The following ZC3H13 variants were observed in gnomAD, a reference collection of about 807,000 sequenced individuals.
ZC3H13 encodes the protein zinc finger CCCH domain-containing protein 13.
A neutral mutation model predicts 204.1 loss-of-function variants in ZC3H13; 64 were observed. That is an observed-to-expected ratio of 0.31 (90% CI 0.26 to 0.39). The LOEUF (loss-of-function observed/expected upper bound fraction) is 0.39. Among genes scored for constraint, ZC3H13 ranks in the 10% least tolerant of loss-of-function variants. ZC3H13 has a pLI of 1.00. For missense variants in ZC3H13, 1,833 were observed against 2,082.7 expected (o/e 0.88, Z 2.33); for synonymous variants, 667 against 693.7 (o/e 0.96, Z 0.60).
intron 7 of ZC3H13, among the ~76,000 whole-genome samples, chr13:46,004,556 T>A (rs529671487): frequency 5.6e-4 from 85 of 152,138 alleles, no homozygotes; most frequent in African/African-American, 1.1e-3. Context: ...AAATTTTTTT[T>A]AAAAAAGCAG....
chr13:45,969,285 C>T lies in ZC3H13; in HGVS notation c.3259G>A (p.Ala1087Thr), dbSNP rs767948149. The change falls in exon 14 of 19, where the codon GCC becomes ACC. Residue 1087 changes from alanine (A) to threonine (T), a missense_variant. Ala to Thr is a moderately conservative substitution (Grantham distance 58). Transcript: ENST00000679008. The part of the protein sequence containing the change: ...EVTEAEHTAT[A>T]TTPGSTPSPL... ...GAAGGGGTACTACCAGGAGTCGTGG[C>T]GGTGGCAGTATGCTCTGCTTCTGTC... The T allele has an allele frequency of 5.0e-6, 8 of 1,613,650 alleles. No individual in the cohort carries two copies. The highest frequency in any genetic ancestry group is 2.7e-5 in the African/African-American group (2 of 74,884).
chr13:45,984,562 T>C (rs79763614), intron 10 of ZC3H13, among the ~76,000 whole-genome samples: 2,185 of 152,062 alleles, frequency 0.014, 46 homozygotes, highest in African/African-American at 0.049. Flanking sequence ...TATGAAAAAG[T>C]AAAAGGTCAA....
intron 17 of ZC3H13, chr13:45,963,404 A>G: frequency 1.0e-6 from 1 of 991,780 alleles, no homozygotes. Context: ...GCACTTTGAT[A>G]TTAGAACTTA....
At chr13:45,990,685 T>C (rs1479743433) in intron 8 of ZC3H13, among the ~76,000 whole-genome samples, 5 of 152,214 alleles carry the variant, frequency 3.3e-5, no homozygotes, top group African/African-American at 1.2e-4. Context: ...TGGAAAACCA[T>C]TTATGATCAA....
chr13:46,049,836 A>T (rs1462503357), intron 1 of ZC3H13, among the ~76,000 whole-genome samples: 1 of 152,208 alleles, frequency 6.6e-6, no homozygotes, highest in Non-Finnish European at 1.5e-5. Flanking sequence ...ATAAAAATGT[A>T]AATACTAAAG....
At chr13:45,959,926 T>A (rs1484387239) in intron 17 of ZC3H13, among the ~76,000 whole-genome samples, 11 of 142,942 alleles carry the variant, frequency 7.7e-5, no homozygotes, top group African/African-American at 1.4e-4. Flanking sequence ...GCCCAGGGAA[T>A]TTTTTTTTTA....
intron 4 of ZC3H13, among the ~76,000 whole-genome samples, chr13:46,040,465 A>G (rs959779196): frequency 1.4e-4 from 21 of 152,166 alleles, no homozygotes; most frequent in African/African-American, 5.1e-4. Flanking sequence ...AGGCTTAAAT[A>G]TAAGAGCTAA....
Position 45,985,611 on chromosome 13 carries a change from TC to T in ZC3H13, c.1405del (p.Glu469AsnfsTer2). The T allele has an allele frequency of 6.2e-7, 1 of 1,613,984 alleles. No homozygotes were observed. The highest frequency in any genetic ancestry group is 1.1e-5 in the South Asian group (1 of 91,034). ...CCGCATGTCTCTGGAGTCTCTTAGT[TC>T]CCTTCGGTCCCTAGTATCTCTGGCA... ...RDARDTRDRR[E>X]LRDSRDMRDS... On this transcript the variant is annotated frameshift_variant, in exon 10 of 19. Coordinates refer to ENST00000679008, the MANE Select transcript of ZC3H13 (RefSeq NM_001330564.2). LOFTEE classifies it high-confidence loss of function.
Position 46,052,421 on chromosome 13 carries a change from T to C in ZC3H13, c.-27A>G, listed in dbSNP as rs913933057. On this transcript the variant is annotated 5_prime_UTR_variant, in exon 1 of 19. Transcript: ENST00000679008. ...ACGCTTACTTCCTCCCCAAGCTCCC[T>C]TCGCAAGTGCAGTCCGGAGGCACCA... 1.5e-5 allele frequency: 6 copies of C among 397,446 alleles called. No homozygotes were observed. The highest frequency in any genetic ancestry group is 2.1e-5 in the African/African-American group (1 of 48,564). The allele number at this position is 397,446 out of a possible 1,614,324, so 24.6% of individuals were successfully genotyped here. A position where few individuals can be genotyped will look rare whatever the true frequency, so the allele number is the denominator to read the frequency against.
intron 8 of ZC3H13, among the ~76,000 whole-genome samples, chr13:45,996,119 T>C (rs565822762): frequency 1.3e-5 from 2 of 152,316 alleles, no homozygotes; most frequent in African/African-American, 4.8e-5. Context: ...GTTTAAACCC[T>C]TGTTCCTAAA....
rs1213743411 is a variant in ZC3H13, at chr13:46,044,131, C to CA, written c.227+823dup. 6.6e-5 allele frequency among the ~76,000 whole-genome samples: 9 copies of CA among 136,434 alleles called. No individual in the cohort carries two copies. In the East Asian group the frequency reaches 1.9e-3, roughly 29 times the overall value. 89.5% of individuals were successfully genotyped at this position (136,434 alleles called of 152,430 possible). On this transcript the variant is annotated intron_variant, in intron 3 of 18. Coordinates refer to ENST00000679008, the MANE Select transcript of ZC3H13 (RefSeq NM_001330564.2). ...GGTTTGAATTTTAAATTCTCCTAAA[C>CA]AAAATCTACCCATACACTACCCCCA...
intron 12 of ZC3H13, among the ~76,000 whole-genome samples, chr13:45,972,122 T>G (rs536545595): frequency 3.9e-4 from 60 of 152,096 alleles, no homozygotes; most frequent in African/African-American, 1.4e-3. Context: ...AAGGAGATAT[T>G]TGATCCAGCA....
intron 11 of ZC3H13, 29 bp downstream of exon 11, chr13:45,979,784 A>G (rs1953389148): frequency 1.3e-6 from 2 of 1,531,238 alleles, no homozygotes; most frequent in Non-Finnish European, 1.7e-6. Context: ...GATATTGTTC[A>G]CTATTTAATA....
At chr13:45,978,401 C>T (rs1048022326) in intron 11 of ZC3H13, among the ~76,000 whole-genome samples, 1 of 152,000 alleles carries the variant, frequency 6.6e-6, no homozygotes, top group Non-Finnish European at 1.5e-5. Context: ...GAAGTAGTTA[C>T]AGTAAAATTA....
intron 8 of ZC3H13, among the ~76,000 whole-genome samples, chr13:46,002,246 C>T (rs946321117): frequency 2.0e-5 from 3 of 152,004 alleles, no homozygotes; most frequent in East Asian, 1.9e-4. Context: ...ATTCGAATGG[C>T]GACTATAAAA....
At position 46,015,837 on chromosome 13, in the gene ZC3H13, C is replaced by T. The variant is rs554028795; in HGVS notation, c.449-4283G>A. The stretch of plus-strand genomic sequence containing the variant: ...CAATTTATTCTTTTAAAAGACTGTT[C>T]TGCAACTCATAGAGTGGGAGAAAAC... On this transcript the variant is annotated intron_variant, in intron 5 of 18. Transcript: ENST00000679008. Among the ~76,000 whole-genome samples, 13 of 152,024 alleles carry T rather than the reference C, an allele frequency of 8.6e-5. No individual in the cohort carries two copies. In the East Asian group the frequency reaches 2.5e-3, roughly 29 times the overall value.
chr13:46,020,574 A>G lies in ZC3H13; in HGVS notation c.340-17T>C. On this transcript the variant is annotated splice_polypyrimidine_tract_variant and intron_variant, in intron 4 of 18. Coordinates refer to ENST00000679008, the MANE Select transcript of ZC3H13 (RefSeq NM_001330564.2). ...AGATTCTTTCTAAAAAAGTACATAC[A>G]TACATTCAGATTACTATATTTTTAA... 6.7e-7 allele frequency: 1 copy of G among 1,488,392 alleles called. No individual in the cohort carries two copies. The highest frequency in any genetic ancestry group is 9.2e-7 in the Non-Finnish European group (1 of 1,086,350). 92.2% of individuals were successfully genotyped at this position (1,488,392 alleles called of 1,614,324 possible). A position where few individuals can be genotyped will look rare whatever the true frequency, so the allele number is the denominator to read the frequency against.
At chr13:46,004,485 A>G (rs2040987232) in intron 7 of ZC3H13, among the ~76,000 whole-genome samples, 1 of 152,182 alleles carries the variant, frequency 6.6e-6, no homozygotes, top group African/African-American at 2.4e-5. Context: ...GGTTGCAGTG[A>G]GCCAAGATTG....
At chr13:46,002,495 A>T (rs2040821055) in intron 8 of ZC3H13, among the ~76,000 whole-genome samples, 1 of 152,198 alleles carries the variant, frequency 6.6e-6, no homozygotes, top group Non-Finnish European at 1.5e-5. Flanking sequence ...ACTATCAACA[A>T]TAGCCAGGAG....
Sources: gnomAD v4.1 joint callset for allele counts (sites outside exome capture counted in the v4.1 genomes callset) on GRCh38, gnomAD v4.1.1 for gene constraint, MANE v1.5 for transcripts, NCBI Gene and HGNC (gene_info 2026-07-23, HGNC 2026-07-21) for gene names.